The following MYO5C variants were observed in gnomAD, a reference collection of about 807,000 sequenced individuals.
The protein encoded by MYO5C is unconventional myosin-Vc.
Under a neutral mutation model 235.7 loss-of-function variants are expected in MYO5C, and 194 were observed. The observed-to-expected ratio is 0.82, with a 90% CI of 0.73 to 0.93. MYO5C has a LOEUF of 0.93. Ranked by LOEUF, MYO5C falls within the 40% of genes least tolerant of loss-of-function variation. The pLI, the probability that MYO5C is intolerant of heterozygous loss-of-function variation, is 0.00. For synonymous variants in MYO5C, 707 were observed against 754.8 expected (o/e 0.94, Z 1.04); for missense variants, 2,038 against 2,127.2 (o/e 0.96, Z 0.82).
intron 5 of MYO5C, among the ~76,000 whole-genome samples, chr15:52,274,324 G>C (rs1273606860): frequency 1.3e-5 from 2 of 152,146 alleles, no homozygotes; most frequent in Non-Finnish European, 2.9e-5. Flanking sequence ...TGTCATCCAG[G>C]CTGGAGTGCA....
intron 9 of MYO5C, among the ~76,000 whole-genome samples, chr15:52,263,606 T>G (rs563790064): frequency 6.6e-6 from 1 of 152,304 alleles, no homozygotes; most frequent in Admixed American, 6.5e-5. Context: ...ACCTTCGTGC[T>G]GTTTTTCAAA....
intron 1 of MYO5C, among the ~76,000 whole-genome samples, chr15:52,286,901 A>C (rs1245797176): frequency 4.6e-5 from 7 of 151,160 alleles, no homozygotes; most frequent in Admixed American, 2.0e-4. Flanking sequence ...GACCCTGCCA[A>C]ATCCCCCTCT....
rs905405486 is a variant in MYO5C at position 52,193,809 on chromosome 15, A to C, written c.*93T>G. 6.5e-6 allele frequency: 9 copies of C among 1,386,286 alleles called. No homozygotes were observed. The highest frequency in any genetic ancestry group is 8.9e-6 in the Non-Finnish European group (9 of 1,009,570). 85.9% of individuals were successfully genotyped at this position (1,386,286 alleles called of 1,614,324 possible). Reference sequence around the variant, plus strand: ...AAGTCTGTTTTCTTCCTTAAATCACATTCCAATTTCCACTGCCAATTAATA... The same window carrying C: ...AAGTCTGTTTTCTTCCTTAAATCACCTTCCAATTTCCACTGCCAATTAATA... On this transcript the variant is annotated 3_prime_UTR_variant, in exon 41 of 41. Coordinates refer to ENST00000261839, the MANE Select transcript of MYO5C (RefSeq NM_018728.4).
chr15:52,278,309 G>A (rs2037093483), intron 4 of MYO5C, among the ~76,000 whole-genome samples: 1 of 152,142 alleles, frequency 6.6e-6, no homozygotes, highest in Admixed American at 6.6e-5. Flanking sequence ...TTACTGCCCA[G>A]ACATTTGCAT....
chr15:52,195,962 C>CCTTTTTTTTTTTTTTT (rs2035039092), intron 39 of MYO5C, among the ~76,000 whole-genome samples: 1 of 80,994 alleles, frequency 1.2e-5, no homozygotes, highest in East Asian at 6.7e-4. Context: ...TCACACCCAG[C>CCTTTTTTTTTTTTTTT]TTTTTTTTTT....
chr15:52,292,873 GCC>G, intron 1 of MYO5C, among the ~76,000 whole-genome samples: 1 of 152,248 alleles, frequency 6.6e-6, no homozygotes, highest in Non-Finnish European at 1.5e-5. Context: ...GAGTTCGTGT[GCC>G]AAGGCACGCA....
intron 15 of MYO5C, 152 bp downstream of exon 15, chr15:52,247,306 G>C (rs960557411): frequency 1.1e-6 from 1 of 924,344 alleles, no homozygotes; most frequent in South Asian, 1.6e-5. Flanking sequence ...GTATGACGAC[G>C]ATGAACTTTT....
At position 52,204,935 on chromosome 15, in the gene MYO5C, C is replaced by G. The variant is rs752080146; in HGVS notation, c.4750G>C (p.Gly1584Arg). ...AAGAGGCTGTTCAGCGTGACCGCCC[C>G]GATCAAGAAGAAGAGCTGCTTCACC... is the stretch of plus-strand genomic sequence containing the variant. ...QAVKQLFFLI[G>R]AVTLNSLFLR... The change falls in exon 38 of 41, where the codon GGG (glycine) becomes CGG (arginine). Residue 1584 changes from glycine (G) to arginine (R), a missense_variant. Physicochemically the swap from Gly to Arg is moderately radical, Grantham distance 125 (BLOSUM62 -2). Coordinates refer to ENST00000261839, the MANE Select transcript of MYO5C (RefSeq NM_018728.4). 1.8e-5 allele frequency: 29 copies of G among 1,614,214 alleles called. No individual in the cohort carries two copies. The highest frequency in any genetic ancestry group is 2.5e-5 in the Non-Finnish European group (29 of 1,180,046).
chr15:52,236,505 C>T lies in MYO5C; in HGVS notation c.2869-742G>A, dbSNP rs183772705. Among the ~76,000 whole-genome samples the T allele has an allele frequency of 3.9e-5, 6 of 152,238 alleles. 1 individual carries two copies. In the East Asian group the frequency reaches 9.7e-4, roughly 24 times the overall value. ...GCTTGGCCAACATGGTGAAACCCCACCTCTACCAAAAATACAAAAAATTAG... is the reference window on the plus strand; with the variant it reads ...GCTTGGCCAACATGGTGAAACCCCATCTCTACCAAAAATACAAAAAATTAG... On this transcript the variant is annotated intron_variant, in intron 22 of 40. Transcript: ENST00000261839.
chr15:52,220,122 G>A (rs528619186), intron 30 of MYO5C, among the ~76,000 whole-genome samples: 2 of 152,236 alleles, frequency 1.3e-5, no homozygotes, highest in African/African-American at 2.4e-5. Context: ...TATAGGCTGC[G>A]GCTTGAACAA....
intron 10 of MYO5C, among the ~76,000 whole-genome samples, chr15:52,259,703 G>T (rs17650635): frequency 6.6e-6 from 1 of 152,170 alleles, no homozygotes; most frequent in Non-Finnish European, 1.5e-5. Context: ...CTGTTGACAC[G>T]TACTATTAAT....
chr15:52,257,287 C>T (rs982270882), intron 10 of MYO5C, among the ~76,000 whole-genome samples: 1 of 152,214 alleles, frequency 6.6e-6, no homozygotes, highest in African/African-American at 2.4e-5. Flanking sequence ...GCCCAGCACA[C>T]CCCATCAGGG....
At chr15:52,271,628 C>G (rs1470932415) in intron 7 of MYO5C, 135 bp downstream of exon 7, 7 of 506,224 alleles carry the variant, frequency 1.4e-5, no homozygotes, top group Non-Finnish European at 2.4e-5. Context: ...TGCACCAATT[C>G]TGTCCCTGAA....
intron 10 of MYO5C, among the ~76,000 whole-genome samples, chr15:52,258,776 G>C (rs935031186): frequency 6.6e-6 from 1 of 152,156 alleles, no homozygotes; most frequent in Non-Finnish European, 1.5e-5. Context: ...ATTTTTGAGA[G>C]GAATCTTAAA....
Position 52,223,725 on chromosome 15 carries a change from C to G in MYO5C, c.3447-1G>C. ...AGACTGGAAATGGCTCTCCAAAACA[C>G]TATTAAAGGAGGGGTCAAGAAATAA... is the stretch of plus-strand genomic sequence containing the variant. On this transcript the variant is annotated splice_acceptor_variant, in intron 28 of 40. Coordinates refer to ENST00000261839, the MANE Select transcript of MYO5C (RefSeq NM_018728.4). LOFTEE classifies it high-confidence loss of function. 6.2e-7 allele frequency: 1 copy of G among 1,611,768 alleles called. No individual in the cohort carries two copies. The highest frequency in any genetic ancestry group is 8.5e-7 in the Non-Finnish European group (1 of 1,178,796).
chr15:52,272,306 A>G (rs1322477631), intron 6 of MYO5C, among the ~76,000 whole-genome samples: 1 of 152,222 alleles, frequency 6.6e-6, no homozygotes, highest in Non-Finnish European at 1.5e-5. Flanking sequence ...TACTCTAGAA[A>G]GAGATACTTG....
intron 28 of MYO5C, 119 bp downstream of exon 28, chr15:52,224,782 T>A (rs1375177414): frequency 2.7e-6 from 2 of 750,790 alleles, no homozygotes; most frequent in African/African-American, 1.8e-5. Context: ...TAGTGGTTAT[T>A]CAGTCATTCT....
chr15:52,221,887 G>C (rs1384727880), intron 29 of MYO5C, among the ~76,000 whole-genome samples: 1 of 152,132 alleles, frequency 6.6e-6, no homozygotes, highest in African/African-American at 2.4e-5. Context: ...ATTTACGATG[G>C]CTCAACTTAC....
At chr15:52,262,404 T>C (rs1467541034) in intron 9 of MYO5C, among the ~76,000 whole-genome samples, 2 of 152,198 alleles carry the variant, frequency 1.3e-5, no homozygotes, top group Non-Finnish European at 2.9e-5. Flanking sequence ...TGATGGCATT[T>C]GTTGGGTAGA....
Sources: allele counts gnomAD v4.1 joint callset (sites outside exome capture counted in the v4.1 genomes callset), GRCh38; gene constraint gnomAD v4.1.1; transcripts MANE v1.5; gene names NCBI Gene and HGNC (gene_info 2026-07-23, HGNC 2026-07-21).